Variants in STXBP5 observed in about 807,000 individuals in gnomAD.
The protein encoded by STXBP5 is syntaxin-binding protein 5.
Under a neutral mutation model 152.4 loss-of-function variants are expected in STXBP5, and 50 were observed. The observed-to-expected ratio is 0.33, with a 90% CI of 0.26 to 0.42. The LOEUF (loss-of-function observed/expected upper bound fraction) is 0.42. STXBP5 is among the 10% of genes least tolerant of loss of function. The pLI, the probability that STXBP5 is intolerant of heterozygous loss-of-function variation, is 1.00. For synonymous variants in STXBP5, 492 were observed against 494.7 expected (o/e 0.99, Z 0.07); for missense variants, 1,167 against 1,388.6 (o/e 0.84, Z 2.54).
At chr6:147,326,675 A>G (rs1372252864) in intron 17 of STXBP5, among the ~76,000 whole-genome samples, 2 of 152,212 alleles carry the variant, frequency 1.3e-5, no homozygotes, top group Non-Finnish European at 2.9e-5. Context: ...AACACCCCAA[A>G]GGGCCTCCAA....
chr6:147,304,739 A>G (rs1057219840), intron 9 of STXBP5, among the ~76,000 whole-genome samples: 5 of 152,230 alleles, frequency 3.3e-5, no homozygotes, highest in African/African-American at 4.8e-5. Flanking sequence ...CACCTCTTGC[A>G]TCAGAGTGAC....
At chr6:147,243,764 A>G (rs1010707647) in intron 4 of STXBP5, among the ~76,000 whole-genome samples, 6 of 152,052 alleles carry the variant, frequency 3.9e-5, no homozygotes, top group Admixed American at 6.5e-5. Flanking sequence ...TGAAATATAT[A>G]TAAGTTCTAT....
At chr6:147,205,397 T>C (rs1776494993) in intron 1 of STXBP5, among the ~76,000 whole-genome samples, 1 of 148,766 alleles carries the variant, frequency 6.7e-6, no homozygotes, top group African/African-American at 2.5e-5. Context: ...TATATATATA[T>C]AGGTCTAATG....
intron 4 of STXBP5, among the ~76,000 whole-genome samples, chr6:147,243,899 C>A (rs1316154562): frequency 6.6e-6 from 1 of 151,708 alleles, no homozygotes; most frequent in Admixed American, 6.6e-5. Flanking sequence ...TATCAGGGAG[C>A]AATTTACTGT....
chr6:147,316,857 T>C (rs1337501828), intron 16 of STXBP5, among the ~76,000 whole-genome samples: 3 of 152,222 alleles, frequency 2.0e-5, no homozygotes, highest in South Asian at 2.1e-4. Context: ...TAAAACGTTT[T>C]ATTGTTGCAT....
At chr6:147,363,193 C>G in intron 23 of STXBP5, 142 bp from the exon 24 acceptor site, 1 of 865,048 alleles carries the variant, frequency 1.2e-6, no homozygotes, top group East Asian at 2.8e-5. Flanking sequence ...GCTTAAAGTC[C>G]GAATCCTGTC....
intron 22 of STXBP5, among the ~76,000 whole-genome samples, chr6:147,354,266 T>TA (rs1188573442): frequency 1.3e-5 from 2 of 152,204 alleles, no homozygotes; most frequent in Admixed American, 1.3e-4. Context: ...ATCATTATCT[T>TA]ACTTCAGTTA....
intron 2 of STXBP5, among the ~76,000 whole-genome samples, chr6:147,233,344 C>T (rs978558547): frequency 1.3e-5 from 2 of 151,602 alleles, no homozygotes; most frequent in African/African-American, 4.8e-5. Flanking sequence ...AAATCTTATA[C>T]CTGGATAGTC....
At chr6:147,254,740 A>G (rs944761629) in intron 4 of STXBP5, among the ~76,000 whole-genome samples, 1 of 152,250 alleles carries the variant, frequency 6.6e-6, no homozygotes, top group African/African-American at 2.4e-5. Context: ...TGGTCATTAG[A>G]GAAATGCAAA....
chr6:147,347,315 T>A (rs1341475069), intron 21 of STXBP5, among the ~76,000 whole-genome samples: 1 of 152,188 alleles, frequency 6.6e-6, no homozygotes, highest in African/African-American at 2.4e-5. Flanking sequence ...TGAACAGTTT[T>A]CAAGTATGAA....
At chr6:147,296,986 C>T (rs1781558248) in intron 9 of STXBP5, among the ~76,000 whole-genome samples, 1 of 152,062 alleles carries the variant, frequency 6.6e-6, no homozygotes, top group Admixed American at 6.6e-5. Flanking sequence ...TTTAAATATA[C>T]AAATATTCAC....
chr6:147,316,358 A>G lies in STXBP5; in HGVS notation c.1753A>G (p.Thr585Ala), dbSNP rs1171652773. ...CATCCCTCCTCAGTCTCATCCATCT[A>G]CCAGTAGCAGTTCATCTGATGGGCT... ...QPIPPQSHPS[T>A]SSSSSDGLRD... The change falls in exon 16 of 28, where the codon ACC becomes GCC. Residue 585 changes from threonine (T) to alanine (A), a missense_variant. Thr to Ala is a moderately conservative substitution (Grantham distance 58). Around this residue, in one of 3 missense-constraint regions of STXBP5, gnomAD observed 833 missense variants for 986.3 expected, o/e 0.84. Transcript: ENST00000321680. 9 of 1,597,324 alleles carry G rather than the reference A, an allele frequency of 5.6e-6. No homozygotes were observed. The highest frequency in any genetic ancestry group is 7.7e-6 in the Non-Finnish European group (9 of 1,174,374).
chr6:147,292,319 A>G, intron 9 of STXBP5: 3 of 441,492 alleles, frequency 6.8e-6, no homozygotes, highest in Admixed American at 2.5e-5. Flanking sequence ...AATGAACTCT[A>G]AGAGGTGTAT....
At chr6:147,229,446 T>C (rs1165609828) in intron 2 of STXBP5, among the ~76,000 whole-genome samples, 1 of 151,912 alleles carries the variant, frequency 6.6e-6, no homozygotes, top group Non-Finnish European at 1.5e-5. Context: ...ATAGAGATTG[T>C]TTAGGTTCTT....
intron 21 of STXBP5, among the ~76,000 whole-genome samples, chr6:147,344,535 T>G (rs1263371152): frequency 6.6e-6 from 1 of 152,228 alleles, no homozygotes; most frequent in Non-Finnish European, 1.5e-5. Flanking sequence ...GGGTTTGATT[T>G]CTTCTGATGC....
chr6:147,235,681 C>G (rs1778236305), intron 3 of STXBP5, among the ~76,000 whole-genome samples: 1 of 151,934 alleles, frequency 6.6e-6, no homozygotes, highest in Non-Finnish European at 1.5e-5. Flanking sequence ...GAGTGTGCTT[C>G]TTTAATGAAT....
intron 9 of STXBP5, among the ~76,000 whole-genome samples, chr6:147,307,668 C>G (rs1262607030): frequency 6.6e-6 from 1 of 151,908 alleles, no homozygotes; most frequent in Non-Finnish European, 1.5e-5. Context: ...ATCAGACAGA[C>G]AATTTTAAAG....
At chr6:147,367,358 G>A (rs1012797177) in intron 25 of STXBP5, among the ~76,000 whole-genome samples, 13 of 152,170 alleles carry the variant, frequency 8.5e-5, no homozygotes, top group African/African-American at 2.9e-4. Context: ...CTGAGAAAAG[G>A]CCAGGCGTGG....
At chr6:147,322,392 A>G (rs1782980623) in intron 16 of STXBP5, among the ~76,000 whole-genome samples, 1 of 152,210 alleles carries the variant, frequency 6.6e-6, no homozygotes, top group African/African-American at 2.4e-5. Context: ...GACCAGCCAG[A>G]AGTGAACTGT....
Sources: gnomAD v4.1 joint callset for allele counts (sites outside exome capture counted in the v4.1 genomes callset) on GRCh38, gnomAD v4.1.1 for gene constraint, gnomAD v4.1.1 regional missense constraint, MANE v1.5 for transcripts, NCBI Gene and HGNC (gene_info 2026-07-23, HGNC 2026-07-21) for gene names.